The following ARMCX4 variants were observed in gnomAD, a reference collection of about 807,000 sequenced individuals.
ARMCX4 encodes armadillo repeat containing X-linked 4, also known as armadillo repeat-containing X-linked protein 4.
A neutral mutation model predicts 34.7 loss-of-function variants in ARMCX4; 3 were observed. The observed-to-expected ratio is 0.09, with a 90% confidence interval of 0.04 to 0.22. ARMCX4 has a LOEUF of 0.22. Among genes scored for constraint, ARMCX4 ranks in the 10% least tolerant of loss-of-function variants. The pLI, the probability that ARMCX4 is intolerant of heterozygous loss-of-function variation, is 1.00. For synonymous variants in ARMCX4, 513 were observed against 632.8 expected (o/e 0.81, Z 2.84); for missense variants, 1,448 against 1,720.8 (o/e 0.84, Z 2.81).
intron 2 of ARMCX4, among the ~76,000 whole-genome samples, chrX:101,486,947 T>TAAAATAAAATA: frequency 9.4e-6 from 1 of 106,207 alleles, no homozygotes; most frequent in South Asian, 4.1e-4. Flanking sequence ...AAAAATAAAA[T>TAAAATAAAATA]AAATAAAATA....
Position 101,528,299 on chromosome X carries a change from A to T in ARMCX4, c.*1781-3345A>T, listed in dbSNP as rs782536349. 8.1e-5 allele frequency among the ~76,000 whole-genome samples: 9 copies of T among 111,677 alleles called. No individual in the cohort carries two copies. The South Asian group carries it at 2.2e-3, about 28-fold the overall frequency. The stretch of plus-strand genomic sequence containing the variant: ...AATTCAACAGTGTTTCATGCTAAAA[A>T]CTCTCAATAAACTAGGTATTGATGG... On this transcript the variant is annotated intron_variant and NMD_transcript_variant, in intron 11 of 12. Transcript: ENST00000354842.
chrX:101,429,243 A>G, intron 2 of ARMCX4, among the ~76,000 whole-genome samples: 1 of 109,586 alleles, frequency 9.1e-6, no homozygotes, highest in Non-Finnish European at 1.9e-5. Context: ...CTTGTTAGCT[A>G]TTTGATCCTG....
chrX:101,482,608 T>C (rs920017140), upstream of ARMCX4, among the ~76,000 whole-genome samples: 3 of 109,922 alleles, frequency 2.7e-5, no homozygotes, highest in Non-Finnish European at 5.7e-5. Flanking sequence ...GAAACCTATG[T>C]AGGGTGGTCT....
intron 2 of ARMCX4, among the ~76,000 whole-genome samples, chrX:101,421,376 G>A (rs977476696): frequency 9.0e-6 from 1 of 110,838 alleles, no homozygotes; most frequent in Non-Finnish European, 1.9e-5. Flanking sequence ...TTACATGGAG[G>A]GGATTGGTAT....
chrX:101,490,216 G>C lies in ARMCX4; in HGVS notation c.1627G>C (p.Asp543His). 8.7e-7 allele frequency: 1 copy of C among 1,155,497 alleles called. No individual in the cohort carries two copies. The highest frequency in any genetic ancestry group is 1.1e-6 in the Non-Finnish European group (1 of 872,793). The change falls in exon 6 of 6, where the codon GAC (aspartate) becomes CAC (histidine). Residue 543 changes from aspartate to histidine, a missense_variant. Asp to His is a moderately conservative substitution (Grantham distance 81). Coordinates refer to ENST00000423738, the MANE Select transcript of ARMCX4 (RefSeq NM_001256155.3). The stretch of plus-strand genomic sequence containing the variant: ...CAAGTGTAAGACAGGGCCTGGGATG[G>C]ACATGAAAACCTGTACACAACCTCA... ...KAKCKTGPGMDMKTCTQPQAG... is the reference protein window; with the variant it reads ...KAKCKTGPGMHMKTCTQPQAG...
intron 2 of ARMCX4, among the ~76,000 whole-genome samples, chrX:101,439,784 G>A (rs782087455): frequency 1.2e-4 from 13 of 109,334 alleles, no homozygotes; most frequent in African/African-American, 4.0e-4. Context: ...ACTGAGGCTT[G>A]TGCATTCGTC....
chrX:101,423,967 G>A (rs1929444623), intron 2 of ARMCX4, among the ~76,000 whole-genome samples: 1 of 111,276 alleles, frequency 9.0e-6, no homozygotes, highest in Admixed American at 9.5e-5. Flanking sequence ...GGGTTCAAGC[G>A]ATTCTCCTGC....
chrX:101,518,376 A>C (rs1556018426), intron 11 of ARMCX4, among the ~76,000 whole-genome samples: 1 of 111,935 alleles, frequency 8.9e-6, no homozygotes, highest in African/African-American at 3.2e-5. Context: ...GCAGTTATAG[A>C]TAGTGGTTAA....
intron 2 of ARMCX4, among the ~76,000 whole-genome samples, chrX:101,431,499 A>G (rs1555991945): frequency 4.5e-5 from 5 of 111,945 alleles, no homozygotes; most frequent in Non-Finnish European, 9.4e-5. Context: ...ACTGATAAGC[A>G]GTTAAAAAAT....
intron 4 of ARMCX4, among the ~76,000 whole-genome samples, chrX:101,468,439 G>A (rs1436114433): frequency 2.8e-5 from 3 of 105,357 alleles, no homozygotes; most frequent in Non-Finnish European, 5.8e-5. Flanking sequence ...CTATAGGCAC[G>A]CGCCACCATG....
chrX:101,518,185 T>A (rs1411460580), intron 11 of ARMCX4, among the ~76,000 whole-genome samples: 1 of 111,920 alleles, frequency 8.9e-6, no homozygotes, highest in Admixed American at 9.5e-5. Context: ...AGTAGTAATA[T>A]TCTGTAAAGT....
intron 7 of ARMCX4, among the ~76,000 whole-genome samples, chrX:101,502,559 T>A (rs1190445161): frequency 9.1e-6 from 1 of 110,401 alleles, no homozygotes; most frequent in Non-Finnish European, 1.9e-5. Context: ...GTTTTATATA[T>A]GGGATCAAGC....
chrX:101,433,381 T>C (rs1490121242), intron 2 of ARMCX4, among the ~76,000 whole-genome samples: 2 of 109,783 alleles, frequency 1.8e-5, no homozygotes, highest in Non-Finnish European at 3.8e-5. Flanking sequence ...TATGTACATA[T>C]ATGTACATAT....
rs1447274078 is a variant in ARMCX4, at chrX:101,491,633, T to C, written c.3044T>C (p.Val1015Ala). ...AAGGTCAAGGGCAATACCATTGCTG[T>C]GCCTAAAGCAGGGACTGGGGCAGGC... Reference protein sequence around the residue: ...RNKVKGNTIAVPKAGTGAGTR... With the variant: ...RNKVKGNTIAAPKAGTGAGTR... The change falls in exon 6 of 6, where the codon GTG (valine) becomes GCG (alanine). Residue 1015 changes from valine (V) to alanine (A), a missense_variant. Physicochemically the swap from Val to Ala is moderately conservative, Grantham distance 64. Transcript: ENST00000423738. The C allele has an allele frequency of 8.7e-7, 1 of 1,155,755 alleles. No individual in the cohort carries two copies. The highest frequency in any genetic ancestry group is 1.1e-6 in the Non-Finnish European group (1 of 872,933).
intron 8 of ARMCX4, among the ~76,000 whole-genome samples, chrX:101,505,845 T>C (rs1934437010): frequency 8.9e-6 from 1 of 112,141 alleles, no homozygotes; most frequent in African/African-American, 3.2e-5. Flanking sequence ...CTGTTTCCTT[T>C]TCTTTTATTT....
At chrX:101,471,615 C>G (rs1367924583) in intron 4 of ARMCX4, among the ~76,000 whole-genome samples, 1 of 111,852 alleles carries the variant, frequency 8.9e-6, no homozygotes, top group African/African-American at 3.3e-5. Flanking sequence ...GATTTGAGAA[C>G]GGGCAGACTG....
chrX:101,487,547 G>C (rs1433825783), intron 3 of ARMCX4, 61 bp from the exon 4 acceptor site: 4 of 571,735 alleles, frequency 7.0e-6, no homozygotes, highest in African/African-American at 2.4e-5. Flanking sequence ...GGATCAGGTT[G>C]CTTGTCTGTT....
chrX:101,433,293 T>C (rs782799465), intron 2 of ARMCX4, among the ~76,000 whole-genome samples: 4 of 108,521 alleles, frequency 3.7e-5, no homozygotes, highest in South Asian at 3.8e-4. Context: ...CACATATACA[T>C]ATATGTACCT....
At chrX:101,447,273 T>C (rs782042936), downstream of ARMCX4, among the ~76,000 whole-genome samples, 1 of 112,743 alleles carries the variant, frequency 8.9e-6, no homozygotes, top group African/African-American at 3.2e-5. Context: ...GAAATTAGCA[T>C]ACACTTTTAG....
Sources: allele counts gnomAD v4.1 joint callset (sites outside exome capture counted in the v4.1 genomes callset), GRCh38; gene constraint gnomAD v4.1.1; transcripts MANE v1.5; gene names NCBI Gene and HGNC (gene_info 2026-07-23, HGNC 2026-07-21).